Variants in GGT1 observed in about 807,000 individuals in gnomAD.
GGT1 encodes the protein glutathione hydrolase 1 proenzyme.
A neutral mutation model predicts 56.0 loss-of-function variants in GGT1; 21 were observed. The observed-to-expected ratio is 0.38, with a 90% CI of 0.27 to 0.54. The LOEUF (loss-of-function observed/expected upper bound fraction) is 0.54, where lower values mean the gene tolerates loss of function less well. Among genes scored for constraint, GGT1 ranks in the 20% least tolerant of loss-of-function variants. GGT1 has a pLI of 0.82. For synonymous variants in GGT1, 238 were observed against 342.6 expected (o/e 0.69, Z 3.37); for missense variants, 466 against 787.0 (o/e 0.59, Z 4.88).
chr22:24,612,734 T>C (rs1237472142), intron 5 of GGT1, among the ~76,000 whole-genome samples: 1 of 152,130 alleles, frequency 6.6e-6, no homozygotes, highest in African/African-American at 2.4e-5. Context: ...ACCATAATGG[T>C]CTGGCTGGTC....
rs758643260 is a variant in GGT1, at chr22:24,627,625, G to A, written c.1208+6G>A. On this transcript the variant is annotated splice_donor_region_variant and intron_variant, in intron 12 of 15. Coordinates refer to ENST00000400382, the MANE Select transcript of GGT1 (RefSeq NM_001288833.2). ...ACCAGCACCATCAACCTCTAGTAGG[G>A]GCTGCTGGGCCGCCTGGGTGGGAAA... 2 of 1,591,876 alleles carry A rather than the reference G, an allele frequency of 1.3e-6. No homozygotes were observed. Among genetic ancestry groups the A allele is most frequent in the Non-Finnish European group, 8.5e-7 (1 of 1,170,586 alleles).
chr22:24,584,041 G>T, the GGT1 span, among the ~76,000 whole-genome samples: 55 of 152,188 alleles, frequency 3.6e-4, no homozygotes, highest in African/African-American at 1.3e-3. Flanking sequence ...AATGTATGTT[G>T]GTTTAAGCTT....
chr22:24,627,802 C>G lies in GGT1; in HGVS notation c.1209-50C>G, dbSNP rs577390090. The G allele has an allele frequency of 5.9e-5, 94 of 1,586,332 alleles. No individual in the cohort carries two copies. In the African/African-American group the frequency reaches 1.1e-3, roughly 18 times the overall value. ...TGAGCCTCAGTGGGTGGATAGGGACCAGGCTGGGCCAGGCAAGGTCGGGCA... is the reference window on the plus strand; with the variant it reads ...TGAGCCTCAGTGGGTGGATAGGGACGAGGCTGGGCCAGGCAAGGTCGGGCA... On this transcript the variant is annotated intron_variant, in intron 12 of 15. Transcript: ENST00000400382.
chr22:24,586,135 C>T, the GGT1 span: 1 of 1,613,342 alleles, frequency 6.2e-7, no homozygotes, highest in Admixed American at 1.7e-5. Context: ...TGGTGGTGTC[C>T]TTGATGGCAT....
In GGT1 at chr22:24,595,701, A is replaced by C. The variant is rs974064625; in HGVS notation, c.-324+815A>C. 3.3e-5 allele frequency among the ~76,000 whole-genome samples: 5 copies of C among 152,316 alleles called. No individual in the cohort carries two copies. The East Asian group carries it at 7.7e-4, about 23-fold the overall frequency. On this transcript the variant is annotated intron_variant, in intron 1 of 6. Coordinates refer to the GGT1 transcript ENST00000411974. The stretch of plus-strand genomic sequence containing the variant: ...CTGCCAGGAGACAAGAATTGATGAC[A>C]GCCACACCTTTGGAGTCTCAAGCCC...
rs190949841 is a variant in GGT1 at position 24,605,800 on chromosome 22, G to A, written c.-428-2154G>A. 4.9e-4 allele frequency among the ~76,000 whole-genome samples: 27 copies of A among 55,396 alleles called. 1 individual carries two copies. The highest frequency in any genetic ancestry group is 1.3e-3 in the Admixed American group (4 of 3,152). 36.3% of individuals were successfully genotyped at this position (55,396 alleles called of 152,430 possible). Reference sequence around the variant, plus strand: ...GTGTATTATATATTATATAATATATGATGTGTATTATATATTATATATTAT... The same window carrying A: ...GTGTATTATATATTATATAATATATAATGTGTATTATATATTATATATTAT... On this transcript the variant is annotated intron_variant, in intron 1 of 15. Transcript: ENST00000400382.
chr22:24,605,873 ATATAATATATGATGTGTAT>A, intron 1 of GGT1, among the ~76,000 whole-genome samples: 1 of 77,456 alleles, frequency 1.3e-5, no homozygotes, highest in African/African-American at 5.9e-5. Context: ...ATTATATATT[ATATAATATATGATGTGTAT>A]TATATATTAT....
intron 6 of GGT1, 61 bp from the exon 7 acceptor site, chr22:24,614,980 C>T: frequency 6.4e-7 from 1 of 1,565,290 alleles, no homozygotes; most frequent in Non-Finnish European, 8.8e-7. Context: ...GGGCGGTCCC[C>T]AGGCTCACGT....
At position 24,628,507 on chromosome 22, in the gene GGT1, A is replaced by T. The variant is rs1387700243; in HGVS notation, c.1563+119A>T. 28 of 1,353,230 alleles carry T rather than the reference A, an allele frequency of 2.1e-5. No homozygotes were observed. Among genetic ancestry groups the T allele is most frequent in the Non-Finnish European group, 2.8e-5 (27 of 973,808 alleles). 83.8% of individuals were successfully genotyped at this position (1,353,230 alleles called of 1,614,324 possible). ...GTGTCCTCTCTCTAGTGCCTGGGCC[A>T]TCTGGAGCCCCTGTGCCATGAGGGC... On this transcript the variant is annotated intron_variant, in intron 15 of 15. Coordinates refer to ENST00000400382, the MANE Select transcript of GGT1 (RefSeq NM_001288833.2). This position sits in a 1 kb window ranked among gnomAD's most constrained non-coding sequence, Gnocchi z 5.7.
At chr22:24,586,585 G>A in the GGT1 span, among the ~76,000 whole-genome samples, 44 of 152,274 alleles carry the variant, frequency 2.9e-4, no homozygotes, top group Non-Finnish European at 5.9e-5. Context: ...AGGCTGGAGT[G>A]CAGTGGCACA....
In GGT1 at chr22:24,623,013, C is replaced by T. The variant is rs570741437; in HGVS notation, c.734-94C>T. The T allele has an allele frequency of 4.0e-5, 61 of 1,516,306 alleles. 2 individuals carry two copies. The South Asian group carries it at 6.3e-4, about 16-fold the overall frequency. The allele number at this position is 1,516,306 out of a possible 1,614,324, so 93.9% of individuals were successfully genotyped here. A position where few individuals can be genotyped will look rare whatever the true frequency, so the allele number is the denominator to read the frequency against. Reference sequence around the variant, plus strand: ...CTTTTCCCCACCACCATGGTGCAGCCATGCCTGCCCCCAACACCACTGCTG... The same window carrying T: ...CTTTTCCCCACCACCATGGTGCAGCTATGCCTGCCCCCAACACCACTGCTG... On this transcript the variant is annotated intron_variant, in intron 9 of 15. Coordinates refer to ENST00000400382, the MANE Select transcript of GGT1 (RefSeq NM_001288833.2).
At chr22:24,622,481 G>A (rs892459628) in intron 9 of GGT1, among the ~76,000 whole-genome samples, 5 of 152,034 alleles carry the variant, frequency 3.3e-5, no homozygotes, top group South Asian at 2.1e-4. Context: ...GGAGAATGGC[G>A]TGAACCTGGG....
chr22:24,622,287 G>A (rs982958908), intron 9 of GGT1, among the ~76,000 whole-genome samples: 25 of 151,692 alleles, frequency 1.6e-4, no homozygotes, highest in African/African-American at 5.1e-4. Context: ...AAACCCGGCC[G>A]GGCATGGTGG....
rs905685147 is a variant in GGT1, at chr22:24,616,414, CA to C, written c.382+1300del. On this transcript the variant is annotated intron_variant, in intron 7 of 15. Transcript: ENST00000400382. ...GGGCAACAAGAATGAAGCTCCGTCT[CA>C]AAAAAAAAAAAAGTTGGAGGATGGA... Among the ~76,000 whole-genome samples, 199 of 132,496 alleles carry C rather than the reference CA, an allele frequency of 1.5e-3. 1 individual carries two copies. The highest frequency in any genetic ancestry group is 3.9e-3 in the Middle Eastern group (1 of 258). The allele number at this position is 132,496 out of a possible 152,430, so 86.9% of individuals were successfully genotyped here.
intron 1 of GGT1, among the ~76,000 whole-genome samples, chr22:24,596,312 A>G (rs1329647382): frequency 6.6e-6 from 1 of 152,070 alleles, no homozygotes; most frequent in Non-Finnish European, 1.5e-5. Flanking sequence ...GCCAAGCCAC[A>G]CTCCCTTTGA....
Position 24,627,997 on chromosome 22 carries a change from G to A in GGT1, c.1336+18G>A, listed in dbSNP as rs1413653307. On this transcript the variant is annotated intron_variant, in intron 13 of 15. Transcript: ENST00000400382. ...CCAGCCAGGTATGGGGTGGAGGTCC[G>A]GGGGTGGGGGACTGGGGTGGAGAGG... 6.8e-5 allele frequency: 109 copies of A among 1,612,040 alleles called. No individual in the cohort carries two copies. The highest frequency in any genetic ancestry group is 2.0e-4 in the Middle Eastern group (1 of 5,126).
Position 24,620,072 on chromosome 22 carries a change from C to T in GGT1, c.383-256C>T, listed in dbSNP as rs1275023528. Among the ~76,000 whole-genome samples the T allele has an allele frequency of 6.6e-6, 1 of 152,014 alleles. No individual in the cohort carries two copies. Among genetic ancestry groups the T allele is most frequent in the Admixed American group, 6.6e-5 (1 of 15,252 alleles). ...TTTAAAAATTAAAAATCCCCTTCTG[C>T]TAGGTGTGCTGTTCACGCCTGTAAT... On this transcript the variant is annotated intron_variant, in intron 7 of 15. Coordinates refer to ENST00000400382, the MANE Select transcript of GGT1 (RefSeq NM_001288833.2). The surrounding 1 kb of genome is among the most constrained non-coding windows in gnomAD (Gnocchi z 5.6).
the GGT1 span, among the ~76,000 whole-genome samples, chr22:24,585,023 TCTCCCACACGGGGA>T: frequency 6.6e-6 from 1 of 151,878 alleles, no homozygotes; most frequent in Non-Finnish European, 1.5e-5. Context: ...CGCTGCATGC[TCTCCCACACGGGGA>T]CTCCCACACG....
At chr22:24,601,458 G>A (rs1321056534), upstream of GGT1, among the ~76,000 whole-genome samples, 1 of 152,206 alleles carries the variant, frequency 6.6e-6, no homozygotes, top group Non-Finnish European at 1.5e-5. Flanking sequence ...TCACTCTCTT[G>A]CCGAGTGGCT....
Sources: allele counts gnomAD v4.1 joint callset (sites outside exome capture counted in the v4.1 genomes callset), GRCh38; gene constraint gnomAD v4.1.1; non-coding constraint Gnocchi (gnomAD v3.1); transcripts MANE v1.5; gene names NCBI Gene and HGNC (gene_info 2026-07-23, HGNC 2026-07-21).